The following DNER variants were observed in gnomAD, a reference collection of about 807,000 sequenced individuals.
DNER encodes the protein delta and Notch-like epidermal growth factor-related receptor.
DNER carries 33 observed loss-of-function variants against 78.2 expected under a neutral mutation model. The observed-to-expected ratio is 0.42, with a 90% CI of 0.32 to 0.56. The LOEUF (loss-of-function observed/expected upper bound fraction) is 0.56. DNER is among the 20% of genes least tolerant of loss of function. The probability of loss-of-function intolerance (pLI) is 0.11; values close to 1 mark genes in which losing one functional copy is unlikely to be tolerated. For missense variants in DNER, 918 were observed against 975.3 expected (o/e 0.94, Z 0.78); for synonymous variants, 417 against 384.8 (o/e 1.08, Z -0.98).
intron 8 of DNER, among the ~76,000 whole-genome samples, chr2:229,419,084 A>T (rs998877750): frequency 1.3e-5 from 2 of 152,186 alleles, no homozygotes; most frequent in African/African-American, 4.8e-5. Flanking sequence ...TAAAGATATG[A>T]TTATATAAAT....
At chr2:229,479,175 A>G (rs927461987) in intron 6 of DNER, among the ~76,000 whole-genome samples, 3 of 152,140 alleles carry the variant, frequency 2.0e-5, no homozygotes, top group Non-Finnish European at 4.4e-5. Flanking sequence ...GTAGTATTCC[A>G]TGGAGAACCA....
chr2:229,430,551 C>T (rs1456848621), intron 8 of DNER, among the ~76,000 whole-genome samples: 2 of 152,082 alleles, frequency 1.3e-5, no homozygotes, highest in East Asian at 1.9e-4. Context: ...ATCTTTCTCC[C>T]GTGCTGGATG....
chr2:229,366,987 C>A lies in DNER; in HGVS notation c.1988G>T (p.Arg663Leu), dbSNP rs751449773. ...MLIILIVGIC[R>L]ISRIEYQGSS... ...ACCCTGGTATTCAATGCGGCTGATG[C>A]GGCAAATCCCCACGATCAGGATGAT... The change falls in exon 12 of 13, where the codon CGC (arginine) becomes CTC (leucine). Residue 663 changes from arginine (R) to leucine (L), a missense_variant. Physicochemically the swap from Arg to Leu is moderately radical, Grantham distance 102. Coordinates refer to ENST00000341772, the MANE Select transcript of DNER (RefSeq NM_139072.4). The A allele has an allele frequency of 6.2e-7, 1 of 1,614,056 alleles. No homozygotes were observed. The highest frequency in any genetic ancestry group is 8.5e-7 in the Non-Finnish European group (1 of 1,179,998).
intron 1 of DNER, among the ~76,000 whole-genome samples, chr2:229,635,779 AT>A (rs1359496102): frequency 6.6e-6 from 1 of 152,134 alleles, no homozygotes; most frequent in Non-Finnish European, 1.5e-5. Flanking sequence ...CAAAAATAGT[AT>A]TTTGTACAAC....
At chr2:229,484,568 G>C (rs907046597) in intron 6 of DNER, among the ~76,000 whole-genome samples, 8 of 152,184 alleles carry the variant, frequency 5.3e-5, no homozygotes, top group African/African-American at 1.7e-4. Flanking sequence ...CCCATATCCA[G>C]ACTTAATTCC....
rs182902290 is a variant in DNER, at chr2:229,693,982, G to A, written c.276+20166C>T. Among the ~76,000 whole-genome samples, 718 of 152,336 alleles carry A rather than the reference G, an allele frequency of 4.7e-3. 6 individuals are homozygous for A. The highest frequency in any genetic ancestry group is 6.5e-3 in the Non-Finnish European group (442 of 68,034). On this transcript the variant is annotated intron_variant, in intron 1 of 12. Transcript: ENST00000341772. ...ATCACAGGCCTGGAGGCCTAGGAGG[G>A]AAAATGGTTTTGTGGGCCAGATCCA...
chr2:229,713,726 C>T (rs927233577), intron 1 of DNER, among the ~76,000 whole-genome samples: 2 of 152,240 alleles, frequency 1.3e-5, no homozygotes, highest in Non-Finnish European at 2.9e-5. Context: ...CAGGGTCCAG[C>T]CGGACGTGGA....
At chr2:229,673,498 A>C (rs1191594416) in intron 1 of DNER, among the ~76,000 whole-genome samples, 1 of 152,210 alleles carries the variant, frequency 6.6e-6, no homozygotes, top group Non-Finnish European at 1.5e-5. Context: ...TTTCAAACTT[A>C]GAATCATTAG....
chr2:229,390,460 T>G (rs1692989544), intron 10 of DNER, among the ~76,000 whole-genome samples: 1 of 152,234 alleles, frequency 6.6e-6, no homozygotes, highest in Admixed American at 6.5e-5. Flanking sequence ...GCAGCCCCCA[T>G]GCACGTATTA....
chr2:229,453,920 TAAAAAA>T (rs10602558), intron 7 of DNER, among the ~76,000 whole-genome samples: 2,910 of 106,878 alleles, frequency 0.027, 51 homozygotes, highest in Middle Eastern at 0.067. Flanking sequence ...TAAAATATAT[TAAAAAA>T]AAAAAAAAAA....
chr2:229,714,132 C>G lies in DNER; in HGVS notation c.276+16G>C, dbSNP rs994225133. The stretch of plus-strand genomic sequence containing the variant: ...CCGGACCAGCGCCCCGCACCGCGCC[C>G]GCCGCTTCCACTCACCTGGCAGTTG... On this transcript the variant is annotated intron_variant, in intron 1 of 12. Transcript: ENST00000341772. The G allele has an allele frequency of 7.0e-6, 9 of 1,292,724 alleles. No individual in the cohort carries two copies. The highest frequency in any genetic ancestry group is 7.8e-6 in the Non-Finnish European group (8 of 1,020,090). 80.1% of individuals were successfully genotyped at this position (1,292,724 alleles called of 1,614,324 possible). A position where few individuals can be genotyped will look rare whatever the true frequency, so the allele number is the denominator to read the frequency against.
chr2:229,406,810 T>C lies in DNER; in HGVS notation c.1723+422A>G, dbSNP rs1051912760. On this transcript the variant is annotated intron_variant, in intron 10 of 12. Coordinates refer to ENST00000341772, the MANE Select transcript of DNER (RefSeq NM_139072.4). ...CCGCCAATCTCGCCTCCCATCCCACTCTCCCTTGACACTTTTATATCTTGC... is the reference window on the plus strand; with the variant it reads ...CCGCCAATCTCGCCTCCCATCCCACCCTCCCTTGACACTTTTATATCTTGC... Among the ~76,000 whole-genome samples, 3 of 122,192 alleles carry C rather than the reference T, an allele frequency of 2.5e-5. No homozygotes were observed. The East Asian group carries it at 6.3e-4, about 25-fold the overall frequency. 80.2% of individuals were successfully genotyped at this position (122,192 alleles called of 152,430 possible).
intron 1 of DNER, among the ~76,000 whole-genome samples, chr2:229,627,362 G>C (rs1316900913): frequency 6.6e-6 from 1 of 152,182 alleles, no homozygotes; most frequent in Non-Finnish European, 1.5e-5. Context: ...CCTAAAATCA[G>C]ATAGTTCTGT....
chr2:229,714,443 G>T lies in DNER; in HGVS notation c.-20C>A. ...CTGCATGGCCGGCCGGGAGGGCGCG[G>T]GAGCCGGAGCCAGGACGCAGTGACG... On this transcript the variant is annotated 5_prime_UTR_variant, in exon 1 of 13. Transcript: ENST00000341772. 1 of 1,119,258 alleles carries T rather than the reference G, an allele frequency of 8.9e-7. No individual in the cohort carries two copies. 69.3% of individuals were successfully genotyped at this position (1,119,258 alleles called of 1,614,324 possible). A position where few individuals can be genotyped will look rare whatever the true frequency, so the allele number is the denominator to read the frequency against.
chr2:229,687,755 C>T (rs185958232), intron 1 of DNER, among the ~76,000 whole-genome samples: 1 of 152,194 alleles, frequency 6.6e-6, no homozygotes, highest in Non-Finnish European at 1.5e-5. Flanking sequence ...CACTACTTAT[C>T]TGTCACAACA....
At chr2:229,528,208 G>C (rs532310836) in intron 5 of DNER, among the ~76,000 whole-genome samples, 2 of 152,308 alleles carry the variant, frequency 1.3e-5, no homozygotes, top group Non-Finnish European at 1.5e-5. Context: ...TCACTCAAAA[G>C]ACGATGAGTG....
At chr2:229,449,417 C>T (rs1277300812) in intron 7 of DNER, among the ~76,000 whole-genome samples, 11 of 152,090 alleles carry the variant, frequency 7.2e-5, no homozygotes, top group Admixed American at 2.0e-4. Flanking sequence ...TATTAAAAGG[C>T]CCATTTGATT....
At chr2:229,467,228 T>C (rs1694824420) in intron 7 of DNER, among the ~76,000 whole-genome samples, 1 of 152,106 alleles carries the variant, frequency 6.6e-6, no homozygotes, top group Non-Finnish European at 1.5e-5. Context: ...TAAATGTAAT[T>C]AGGCCAATTT....
At chr2:229,397,463 C>CAAAAAAAAA (rs763572496) in intron 10 of DNER, among the ~76,000 whole-genome samples, 9 of 96,590 alleles carry the variant, frequency 9.3e-5, no homozygotes, top group Non-Finnish European at 1.4e-4. Context: ...CCAAACACTA[C>CAAAAAAAAA]AAAAAAAAAA....
Sources: allele counts gnomAD v4.1 joint callset (sites outside exome capture counted in the v4.1 genomes callset), GRCh38; gene constraint gnomAD v4.1.1; transcripts MANE v1.5; gene names NCBI Gene and HGNC (gene_info 2026-07-23, HGNC 2026-07-21).